Variants in ENPP6 observed in about 807,000 individuals in gnomAD.
ENPP6 encodes the protein glycerophosphocholine cholinephosphodiesterase ENPP6.
A neutral mutation model predicts 42.0 loss-of-function variants in ENPP6; 32 were observed. That is an observed-to-expected ratio of 0.76 (90% CI 0.58 to 1.02). The LOEUF is 1.02. Among genes scored for constraint, ENPP6 ranks in the 50% least tolerant of loss-of-function variants. The probability of loss-of-function intolerance (pLI) is 0.00; values close to 1 mark genes in which losing one functional copy is unlikely to be tolerated. For synonymous variants in ENPP6, 213 were observed against 216.0 expected (o/e 0.99, Z 0.12); for missense variants, 552 against 566.8 (o/e 0.97, Z 0.27).
intron 1 of ENPP6, among the ~76,000 whole-genome samples, chr4:184,211,013 G>A (rs1733100812): frequency 6.7e-6 from 1 of 150,340 alleles, no homozygotes; most frequent in Non-Finnish European, 1.5e-5. Flanking sequence ...AATGAAGGCA[G>A]AAATAAAGAT....
intron 1 of ENPP6, among the ~76,000 whole-genome samples, chr4:184,156,184 G>A (rs1158839626): frequency 1.3e-5 from 2 of 152,086 alleles, no homozygotes; most frequent in African/African-American, 4.8e-5. Context: ...AGATGGGAGG[G>A]TGTGCTGTCC....
In ENPP6 at chr4:184,153,679, G is replaced by C; in HGVS notation, c.296C>G (p.Thr99Ser). 1 of 1,614,186 alleles carries C rather than the reference G, an allele frequency of 6.2e-7. No individual in the cohort carries two copies. The highest frequency in any genetic ancestry group is 8.5e-7 in the Non-Finnish European group (1 of 1,180,028). ...MIGNYMWDPT[T>S]NKSFDIGVNK... ...GACGCCAATGTCAAAGGACTTGTTG[G>C]TGGTGGGGTCCCACATGTAGTTCCC... is the stretch of plus-strand genomic sequence containing the variant. Residue 99 changes from threonine to serine, a missense_variant, in exon 2 of 8, where the codon ACC (threonine) becomes AGC (serine). This residue lies in a region of ENPP6 where 545 missense variants were observed against 546.3 expected (regional missense o/e 1.00). Coordinates refer to ENST00000296741, the MANE Select transcript of ENPP6 (RefSeq NM_153343.4).
chr4:184,123,101 T>C (rs145771239), intron 3 of ENPP6, among the ~76,000 whole-genome samples: 1 of 152,196 alleles, frequency 6.6e-6, no homozygotes, highest in African/African-American at 2.4e-5. Context: ...TTGATAGGTT[T>C]CGTGGAAGTG....
At chr4:184,167,341 C>T (rs1215879267) in intron 1 of ENPP6, among the ~76,000 whole-genome samples, 1 of 152,204 alleles carries the variant, frequency 6.6e-6, no homozygotes, top group Non-Finnish European at 1.5e-5. Flanking sequence ...TCTCAAACTA[C>T]TGACTTCAGG....
chr4:184,093,721 C>T (rs973805819), intron 7 of ENPP6, among the ~76,000 whole-genome samples: 1 of 151,440 alleles, frequency 6.6e-6, no homozygotes, highest in African/African-American at 2.4e-5. Flanking sequence ...GAAAGGGCTG[C>T]CCCAGTATCC....
intron 5 of ENPP6, among the ~76,000 whole-genome samples, chr4:184,115,953 C>T (rs761257785): frequency 2.0e-5 from 3 of 152,114 alleles, no homozygotes; most frequent in East Asian, 1.9e-4. Flanking sequence ...CGGTGGTTCA[C>T]GCCTGTAATC....
At chr4:184,204,457 T>C (rs1172758112) in intron 1 of ENPP6, among the ~76,000 whole-genome samples, 1 of 152,238 alleles carries the variant, frequency 6.6e-6, no homozygotes, top group Non-Finnish European at 1.5e-5. Context: ...CACTCGCACC[T>C]AGGCCTGAAC....
intron 1 of ENPP6, among the ~76,000 whole-genome samples, chr4:184,156,233 G>A (rs984929148): frequency 1.1e-4 from 17 of 152,158 alleles, no homozygotes; most frequent in African/African-American, 1.9e-4. Context: ...AGCCTTTCCC[G>A]GAAGCTGGCA....
At chr4:184,151,076 GCCTATAATCCCAGCACTTTGGGAGGCCAA>G (rs1196921637) in intron 2 of ENPP6, among the ~76,000 whole-genome samples, 1 of 152,246 alleles carries the variant, frequency 6.6e-6, no homozygotes, top group Non-Finnish European at 1.5e-5. Context: ...AGTGGCTCAT[GCCTATAATCCCAGCACTTTGGGAGGCCAA>G]GGTGGGTGGA....
chr4:184,136,096 CTTCCTCTA>C (rs1197022327), intron 2 of ENPP6, among the ~76,000 whole-genome samples: 1 of 151,624 alleles, frequency 6.6e-6, no homozygotes, highest in Non-Finnish European at 1.5e-5. Context: ...TGCCATTTCC[CTTCCTCTA>C]TTAGTTTGCT....
intron 1 of ENPP6, among the ~76,000 whole-genome samples, chr4:184,165,443 C>G (rs1029995186): frequency 2.0e-5 from 3 of 152,236 alleles, no homozygotes; most frequent in African/African-American, 7.2e-5. Flanking sequence ...CCAGCACCTG[C>G]TCCCCTCCAG....
In ENPP6 at chr4:184,147,800, C is replaced by CAA. The variant is rs5864876; in HGVS notation, c.421+5752_421+5753dup. Among the ~76,000 whole-genome samples the CAA allele has an allele frequency of 3.9e-3, 557 of 143,852 alleles. 3 individuals carry two copies. Among genetic ancestry groups the CAA allele is most frequent in the Non-Finnish European group, 4.3e-3 (281 of 65,940 alleles). The allele number at this position is 143,852 out of a possible 152,430, so 94.4% of individuals were successfully genotyped here. A position where few individuals can be genotyped will look rare whatever the true frequency, so the allele number is the denominator to read the frequency against. Reference sequence around the variant, plus strand: ...TGGGCAACAGAGAAAGACCCTGTTTCAAAAAAAAAAAAAAAGTATTCAGCT... The same window carrying CAA: ...TGGGCAACAGAGAAAGACCCTGTTTCAAAAAAAAAAAAAAAAAGTATTCAGCT... On this transcript the variant is annotated intron_variant, in intron 2 of 7. Coordinates refer to ENST00000296741, the MANE Select transcript of ENPP6 (RefSeq NM_153343.4).
At chr4:184,161,267 T>A (rs1377153449) in intron 1 of ENPP6, among the ~76,000 whole-genome samples, 4 of 152,036 alleles carry the variant, frequency 2.6e-5, no homozygotes, top group Non-Finnish European at 5.9e-5. Context: ...GATATACAAA[T>A]GACCAGCAAA....
At chr4:184,192,168 C>T (rs1732720053) in intron 1 of ENPP6, among the ~76,000 whole-genome samples, 1 of 152,014 alleles carries the variant, frequency 6.6e-6, no homozygotes, top group South Asian at 2.1e-4. Flanking sequence ...TTGGAATAGC[C>T]AAAACAATCT....
chr4:184,146,811 G>A (rs1736934079), intron 2 of ENPP6, among the ~76,000 whole-genome samples: 2 of 152,166 alleles, frequency 1.3e-5, no homozygotes, highest in South Asian at 2.1e-4. Context: ...TCACAGCTCT[G>A]CTGGGGCTTC....
At chr4:184,095,062 C>T (rs1178205053) in intron 7 of ENPP6, among the ~76,000 whole-genome samples, 1 of 152,238 alleles carries the variant, frequency 6.6e-6, no homozygotes, top group Non-Finnish European at 1.5e-5. Flanking sequence ...TCTCAGTAAA[C>T]AGCCAGTGTG....
At chr4:184,153,969 C>T (rs1442611980) in intron 1 of ENPP6, among the ~76,000 whole-genome samples, 1 of 152,002 alleles carries the variant, frequency 6.6e-6, no homozygotes, top group Non-Finnish European at 1.5e-5. Context: ...AGAGTGACGT[C>T]ACCCTGTCAA....
intron 6 of ENPP6, among the ~76,000 whole-genome samples, chr4:184,105,287 T>A (rs1006719298): frequency 1.3e-5 from 2 of 152,168 alleles, no homozygotes; most frequent in Admixed American, 1.3e-4. Context: ...GTTTTTGCAG[T>A]ATGACACGAG....
At chr4:184,126,306 C>T (rs552244830) in intron 2 of ENPP6, among the ~76,000 whole-genome samples, 2 of 152,228 alleles carry the variant, frequency 1.3e-5, no homozygotes, top group African/African-American at 4.8e-5. Context: ...TTGCCCTTGC[C>T]TCAGGTTAAA....
Sources: allele counts gnomAD v4.1 joint callset (sites outside exome capture counted in the v4.1 genomes callset), GRCh38; gene constraint gnomAD v4.1.1; regional missense constraint gnomAD v4.1.1; transcripts MANE v1.5; gene names NCBI Gene and HGNC (gene_info 2026-07-23, HGNC 2026-07-21).